Variants in CDH13 observed in about 807,000 individuals in gnomAD.
CDH13 encodes cadherin-13.
Under a neutral mutation model 63.8 loss-of-function variants are expected in CDH13, and 24 were observed. The ratio of observed to expected loss-of-function variants is 0.38; its 90% CI spans 0.27 to 0.53. The LOEUF is 0.53. Ranked by LOEUF, CDH13 falls within the 20% of genes least tolerant of loss-of-function variation. The pLI, the probability that CDH13 is intolerant of heterozygous loss-of-function variation, is 0.85. For synonymous variants in CDH13, 503 were observed against 355.3 expected (o/e 1.42, Z -4.67); for missense variants, 1,049 against 903.1 (o/e 1.16, Z -2.07).
chr16:82,954,978 T>C (rs1026137286), intron 2 of CDH13, among the ~76,000 whole-genome samples: 4 of 152,234 alleles, frequency 2.6e-5, no homozygotes, highest in Non-Finnish European at 5.9e-5. Flanking sequence ...AGTCTTTGCA[T>C]TGCCAAATAA....
intron 2 of CDH13, among the ~76,000 whole-genome samples, chr16:82,938,417 C>G (rs889607455): frequency 6.6e-6 from 1 of 152,220 alleles, no homozygotes; most frequent in African/African-American, 2.4e-5. Context: ...TATCAATGGT[C>G]TCTGCCAGCC....
chr16:83,290,254 C>G (rs2089434071), intron 5 of CDH13, among the ~76,000 whole-genome samples: 1 of 152,186 alleles, frequency 6.6e-6, no homozygotes, highest in African/African-American at 2.4e-5. Flanking sequence ...ACTGGGATCT[C>G]TTTTCAAACA....
chr16:83,226,565 C>A (rs1196832132), intron 5 of CDH13, among the ~76,000 whole-genome samples: 2 of 152,016 alleles, frequency 1.3e-5, no homozygotes, highest in Non-Finnish European at 2.9e-5. Flanking sequence ...GATGGCTACC[C>A]TTTTTTTTCT....
At chr16:83,648,395 G>T (rs959938331) in intron 8 of CDH13, among the ~76,000 whole-genome samples, 1 of 152,154 alleles carries the variant, frequency 6.6e-6, no homozygotes, top group Non-Finnish European at 1.5e-5. Context: ...ACTGTAGCAA[G>T]AAGGTAAGGC....
chr16:83,486,693 T>C lies in CDH13; in HGVS notation c.960+38T>C, dbSNP rs16960645. On this transcript the variant is annotated intron_variant, in intron 7 of 13. Coordinates refer to ENST00000567109, the MANE Select transcript of CDH13 (RefSeq NM_001257.5). ...GAATACACTTTCTTTTTCACGAGAA[T>C]AGAATGTGGCTTTCATGCAAGGGAT... 8.6e-3 allele frequency: 13,728 copies of C among 1,594,380 alleles called. 883 individuals carry two copies. The African/African-American group carries it at 0.15, about 17-fold the overall frequency.
Position 83,355,734 on chromosome 16 carries a change from G to A in CDH13, c.781+10728G>A, listed in dbSNP as rs140615919. Among the ~76,000 whole-genome samples, 713 of 152,284 alleles carry A rather than the reference G, an allele frequency of 4.7e-3. 8 individuals carry two copies. The highest frequency in any genetic ancestry group is 0.017 in the African/African-American group (689 of 41,548). On this transcript the variant is annotated intron_variant, in intron 6 of 13. Coordinates refer to ENST00000567109, the MANE Select transcript of CDH13 (RefSeq NM_001257.5). ...TGCTGACTCTGTAGAGCTTGCAGAC[G>A]AAAGAGGAAGTCAGTAAATAAAGCA... is the stretch of plus-strand genomic sequence containing the variant.
At chr16:83,275,663 G>C (rs563481561) in intron 5 of CDH13, among the ~76,000 whole-genome samples, 11 of 7,150 alleles carry the variant, frequency 1.5e-3, no homozygotes, top group African/African-American at 4.1e-3. Flanking sequence ...CTCTGGCTTG[G>C]AAGATAAGGG....
chr16:83,666,923 C>G (rs1055682640), intron 8 of CDH13, among the ~76,000 whole-genome samples: 13 of 152,272 alleles, frequency 8.5e-5, no homozygotes, highest in African/African-American at 2.6e-4. Flanking sequence ...CCATCTGTCT[C>G]TCCTTTCAGC....
chr16:83,451,876 T>C (rs1394642089), intron 6 of CDH13, among the ~76,000 whole-genome samples: 1 of 152,206 alleles, frequency 6.6e-6, no homozygotes. Flanking sequence ...AAACTGAACA[T>C]CTTTATATTC....
chr16:83,044,335 A>G (rs1489551360), intron 3 of CDH13, among the ~76,000 whole-genome samples: 2 of 152,234 alleles, frequency 1.3e-5, no homozygotes, highest in Admixed American at 6.5e-5. Context: ...TCTATTTTTC[A>G]GTAAATTTCC....
chr16:83,673,856 C>T (rs781253145), intron 9 of CDH13, among the ~76,000 whole-genome samples: 9 of 152,164 alleles, frequency 5.9e-5, no homozygotes, highest in African/African-American at 1.9e-4. Context: ...TCAGCTTGTC[C>T]GCCCTCCCTG....
intron 10 of CDH13, among the ~76,000 whole-genome samples, chr16:83,711,913 T>G (rs1409108892): frequency 6.6e-6 from 1 of 152,228 alleles, no homozygotes; most frequent in Admixed American, 6.5e-5. Context: ...TAGCAGAAAT[T>G]TAATTTCTTA....
At chr16:82,805,070 CG>C (rs2037076397) in intron 1 of CDH13, among the ~76,000 whole-genome samples, 1 of 152,100 alleles carries the variant, frequency 6.6e-6, no homozygotes, top group African/African-American at 2.4e-5. Context: ...TTAAGTATCC[CG>C]GGTTTGTTAA....
chr16:83,023,224 G>A (rs944582345), intron 2 of CDH13: 8 of 152,280 alleles, frequency 5.3e-5, no homozygotes, highest in Non-Finnish European at 7.3e-5. Context: ...GTGGAAAAGC[G>A]CTGAAAGCAT....
chr16:83,053,926 T>A (rs1413901358), intron 3 of CDH13, among the ~76,000 whole-genome samples: 1 of 152,230 alleles, frequency 6.6e-6, no homozygotes, highest in African/African-American at 2.4e-5. Context: ...AACAACGTTT[T>A]GGTCAATGAC....
intron 1 of CDH13, among the ~76,000 whole-genome samples, chr16:82,681,479 A>G (rs745424034): frequency 1.4e-4 from 22 of 152,182 alleles, no homozygotes; most frequent in Non-Finnish European, 2.8e-4. Flanking sequence ...GGCCAATTTT[A>G]TGTTATGTTT....
At position 82,771,493 on chromosome 16, in the gene CDH13, T is replaced by C. The variant is rs183887906; in HGVS notation, c.46-86869T>C. Among the ~76,000 whole-genome samples, 17 of 152,308 alleles carry C rather than the reference T, an allele frequency of 1.1e-4. No individual in the cohort carries two copies. In the East Asian group the frequency reaches 2.1e-3, roughly 19 times the overall value. On this transcript the variant is annotated intron_variant, in intron 1 of 13. Transcript: ENST00000567109. ...TCTATTCTGCCGTCAGCATTACAGCTCGCTTCACCACACCTGTGCACTCAA... is the reference window on the plus strand; with the variant it reads ...TCTATTCTGCCGTCAGCATTACAGCCCGCTTCACCACACCTGTGCACTCAA...
intron 4 of CDH13, among the ~76,000 whole-genome samples, chr16:83,188,354 A>T (rs368200651): frequency 6.6e-6 from 1 of 152,116 alleles, no homozygotes; most frequent in East Asian, 1.9e-4. Context: ...TCTGGATATA[A>T]TTTGAAAAGA....
intron 1 of CDH13, among the ~76,000 whole-genome samples, chr16:82,659,713 T>A (rs540600472): frequency 1.3e-5 from 2 of 152,160 alleles, no homozygotes; most frequent in African/African-American, 4.8e-5. Flanking sequence ...CATGAAAACG[T>A]CATGACAAAC....
Sources: allele counts gnomAD v4.1 joint callset (sites outside exome capture counted in the v4.1 genomes callset), GRCh38; gene constraint gnomAD v4.1.1; transcripts MANE v1.5; gene names NCBI Gene and HGNC (gene_info 2026-07-23, HGNC 2026-07-21).